Variants in STXBP5L observed in about 807,000 individuals in gnomAD.
STXBP5L encodes syntaxin binding protein 5L.
A neutral mutation model predicts 144.5 loss-of-function variants in STXBP5L; 65 were observed. The ratio of observed to expected loss-of-function variants is 0.45; its 90% CI spans 0.37 to 0.55. The LOEUF (loss-of-function observed/expected upper bound fraction) is 0.55, where lower values mean the gene tolerates loss of function less well. Ranked by LOEUF, STXBP5L falls within the 20% of genes least tolerant of loss-of-function variation. The probability of loss-of-function intolerance (pLI) is 0.00; values close to 1 mark genes in which losing one functional copy is unlikely to be tolerated. For missense variants in STXBP5L, 1,298 were observed against 1,405.5 expected, an observed-to-expected ratio of 0.92 and a Z score of 1.22; for synonymous variants, 505 against 469.6, an observed-to-expected ratio of 1.08 and a Z score of -0.97.
At chr3:120,975,059 GT>G (rs1178177584) in intron 3 of STXBP5L, among the ~76,000 whole-genome samples, 2 of 152,138 alleles carry the variant, frequency 1.3e-5, no homozygotes, top group Non-Finnish European at 2.9e-5. Context: ...CTTTAAAGTA[GT>G]TTTTTCCAAT....
At chr3:121,398,961 TG>T (rs2046803561) in intron 22 of STXBP5L, among the ~76,000 whole-genome samples, 1 of 152,048 alleles carries the variant, frequency 6.6e-6, no homozygotes, top group African/African-American at 2.4e-5. Flanking sequence ...GAACAGACAC[TG>T]GGGCAACTAC....
intron 20 of STXBP5L, among the ~76,000 whole-genome samples, chr3:121,360,893 C>A (rs1487003217): frequency 1.3e-5 from 2 of 152,088 alleles, no homozygotes; most frequent in African/African-American, 2.4e-5. Context: ...AAGTTTTGTA[C>A]CTTCAGGTGG....
intron 9 of STXBP5L, among the ~76,000 whole-genome samples, chr3:121,191,889 T>A (rs1211156664): frequency 7.1e-5 from 10 of 140,094 alleles, no homozygotes; most frequent in African/African-American, 2.7e-4. Context: ...AGGTGGGAAT[T>A]GAACAATGAG....
intron 2 of STXBP5L, among the ~76,000 whole-genome samples, chr3:120,938,058 A>G (rs549460935): frequency 5.7e-4 from 86 of 152,170 alleles, no homozygotes; most frequent in African/African-American, 2.0e-3. Context: ...AAAAAGTTAG[A>G]AAATACAGGT....
At chr3:121,019,802 A>G (rs1295029855) in intron 3 of STXBP5L, among the ~76,000 whole-genome samples, 1 of 152,206 alleles carries the variant, frequency 6.6e-6, no homozygotes, top group Non-Finnish European at 1.5e-5. Flanking sequence ...CTTCCCACTG[A>G]CATAATCTAC....
At chr3:121,162,752 G>C (rs2046367768) in intron 9 of STXBP5L, among the ~76,000 whole-genome samples, 1 of 152,088 alleles carries the variant, frequency 6.6e-6, no homozygotes, top group Admixed American at 6.5e-5. Context: ...CCATCAAAAA[G>C]TAGGCAAAGA....
In STXBP5L at chr3:121,257,245, G is replaced by T. The variant is rs1270914505; in HGVS notation, c.1744G>T (p.Ala582Ser). Residue 582 changes from alanine (A) to serine (S), a missense_variant, in exon 17 of 27, where the codon GCC (alanine) becomes TCC (serine). Ala to Ser is a moderately conservative substitution (Grantham distance 99). Transcript: ENST00000471454. ...ETSPPFPDLSAQLPSSRSLSG... is the reference protein window; with the variant it reads ...ETSPPFPDLSSQLPSSRSLSG... ...AAGTCCTCCGTTTCCAGATCTCTCA[G>T]CCCAGCTTCCTTCTTCAAGGAGTCT... 1 of 1,613,720 alleles carries T rather than the reference G, an allele frequency of 6.2e-7. No individual in the cohort carries two copies.
rs145057396 is a variant in STXBP5L, at chr3:121,135,648, C to T, written c.669+13944C>T. On this transcript the variant is annotated intron_variant, in intron 7 of 26. Coordinates refer to ENST00000471454, the MANE Select transcript of STXBP5L (RefSeq NM_001308330.2). ...ATGCTGCAGCTGATCTGACAGGAGG[C>T]GGAGCTCTGGTGGTAATGCGAGTGA... Among the ~76,000 whole-genome samples, 470 of 152,218 alleles carry T rather than the reference C, an allele frequency of 3.1e-3. 3 individuals carry two copies. The highest frequency in any genetic ancestry group is 0.01 in the African/African-American group (433 of 41,526).
chr3:121,124,043 T>G (rs1170029368), intron 7 of STXBP5L, among the ~76,000 whole-genome samples: 1 of 151,618 alleles, frequency 6.6e-6, no homozygotes, highest in African/African-American at 2.4e-5. Context: ...TGGTTTGATA[T>G]AGTAGACTTT....
At chr3:121,383,979 C>G (rs1576329125) in intron 22 of STXBP5L, among the ~76,000 whole-genome samples, 3 of 152,062 alleles carry the variant, frequency 2.0e-5, no homozygotes, top group Non-Finnish European at 4.4e-5. Context: ...TGCTCTCTGA[C>G]CTTGAATGCA....
chr3:120,909,547 T>G (rs761775833), intron 1 of STXBP5L, 24 bp from the exon 2 acceptor site: 1 of 1,601,598 alleles, frequency 6.2e-7, no homozygotes, highest in Non-Finnish European at 8.5e-7. Flanking sequence ...TCTTTCCCTT[T>G]TTTTCCTTTG....
At chr3:121,344,173 T>A (rs1184997256) in intron 20 of STXBP5L, among the ~76,000 whole-genome samples, 1 of 152,066 alleles carries the variant, frequency 6.6e-6, no homozygotes, top group Non-Finnish European at 1.5e-5. Flanking sequence ...TAATAAATGG[T>A]GCTGGGAAAA....
At chr3:121,053,818 A>G (rs1482979933) in intron 5 of STXBP5L, among the ~76,000 whole-genome samples, 2 of 152,158 alleles carry the variant, frequency 1.3e-5, no homozygotes, top group Non-Finnish European at 2.9e-5. Context: ...AAAATGGGAG[A>G]AAATTTTCGC....
At chr3:120,963,410 G>A (rs1939119342) in intron 3 of STXBP5L, among the ~76,000 whole-genome samples, 1 of 152,144 alleles carries the variant, frequency 6.6e-6, no homozygotes, top group African/African-American at 2.4e-5. Flanking sequence ...TTGGCAGTAT[G>A]TCATAAATAG....
At chr3:121,035,456 T>C (rs1156488298) in intron 3 of STXBP5L, among the ~76,000 whole-genome samples, 1 of 152,208 alleles carries the variant, frequency 6.6e-6, no homozygotes, top group East Asian at 1.9e-4. Flanking sequence ...GCACCATTTA[T>C]TGAAAAGGAT....
chr3:121,302,940 C>T (rs186650794), intron 19 of STXBP5L, among the ~76,000 whole-genome samples: 12 of 152,170 alleles, frequency 7.9e-5, no homozygotes, highest in Middle Eastern at 6.8e-3. Context: ...AGAAGAAAAC[C>T]TAGGCAATAC....
intron 12 of STXBP5L, among the ~76,000 whole-genome samples, chr3:121,238,118 A>G (rs1319991050): frequency 2.6e-5 from 4 of 152,288 alleles, no homozygotes; most frequent in Admixed American, 6.5e-5. Context: ...CGCGCTCCTT[A>G]GTACTAATTT....
intron 10 of STXBP5L, among the ~76,000 whole-genome samples, chr3:121,210,573 T>A (rs372288482): frequency 6.6e-6 from 1 of 152,232 alleles, no homozygotes; most frequent in Non-Finnish European, 1.5e-5. Context: ...GGTCTAACAT[T>A]TAAGTCTTTA....
chr3:121,291,771 C>G (rs1437287123), intron 19 of STXBP5L, among the ~76,000 whole-genome samples: 4 of 151,924 alleles, frequency 2.6e-5, no homozygotes, highest in African/African-American at 9.7e-5. Flanking sequence ...GCAGCCAACT[C>G]ATCAACAAAG....
Sources: allele counts gnomAD v4.1 joint callset (sites outside exome capture counted in the v4.1 genomes callset), GRCh38; gene constraint gnomAD v4.1.1; transcripts MANE v1.5; gene names NCBI Gene and HGNC (gene_info 2026-07-23, HGNC 2026-07-21).